The following RBPJ variants were observed in gnomAD, a reference collection of about 807,000 sequenced individuals.
RBPJ encodes recombining binding protein suppressor of hairless.
In RBPJ, 9 loss-of-function variants were observed where a neutral mutation model predicts 67.8. That is an observed-to-expected ratio of 0.13 (90% CI 0.08 to 0.23). RBPJ has a LOEUF of 0.23. Ranked by LOEUF, RBPJ falls within the 10% of genes least tolerant of loss-of-function variation. The probability of loss-of-function intolerance (pLI) is 1.00; values close to 1 mark genes in which losing one functional copy is unlikely to be tolerated. For synonymous variants in RBPJ, 198 were observed against 203.3 expected, an observed-to-expected ratio of 0.97 and a Z score of 0.22; for missense variants, 305 against 595.6, an observed-to-expected ratio of 0.51 and a Z score of 5.08.
At chr4:26,126,446 C>T in the RBPJ span, among the ~76,000 whole-genome samples, 530 of 152,324 alleles carry the variant, frequency 3.5e-3, 2 homozygotes, top group African/African-American at 0.012. Flanking sequence ...CTCTCTTTCC[C>T]TTTTCCATTT....
At chr4:26,181,509 T>A (rs1178306174) in intron 1 of RBPJ, among the ~76,000 whole-genome samples, 1 of 152,170 alleles carries the variant, frequency 6.6e-6, no homozygotes, top group East Asian at 1.9e-4. Context: ...CAACTTTTAT[T>A]ATAGTCATGT....
At chr4:26,189,596 T>C (rs6835559) in intron 1 of RBPJ, among the ~76,000 whole-genome samples, 2,958 of 152,102 alleles carry the variant, frequency 0.019, 86 homozygotes, top group African/African-American at 0.069. Flanking sequence ...AGGTGGAGGT[T>C]TCAGTGAGCC....
chr4:26,208,146 C>T (rs980992432), intron 1 of RBPJ, among the ~76,000 whole-genome samples: 11 of 152,226 alleles, frequency 7.2e-5, no homozygotes, highest in Non-Finnish European at 1.5e-4. Context: ...GTGTTTACTA[C>T]GTGCTTGGTG....
the RBPJ span, among the ~76,000 whole-genome samples, chr4:26,134,812 G>A: frequency 1.4e-4 from 21 of 152,188 alleles, no homozygotes; most frequent in Admixed American, 8.5e-4. Context: ...GTGCTGTGAG[G>A]AAATGGCTGC....
the RBPJ span, among the ~76,000 whole-genome samples, chr4:26,157,108 CAAA>C: frequency 8.5e-6 from 1 of 117,818 alleles, no homozygotes; most frequent in South Asian, 2.6e-4. Flanking sequence ...CAAAAACAAA[CAAA>C]CAAACAAAAA....
intron 1 of RBPJ, among the ~76,000 whole-genome samples, chr4:26,381,780 CTTTG>C (rs1468971471): frequency 1.3e-5 from 2 of 151,948 alleles, no homozygotes; most frequent in Admixed American, 1.3e-4. Flanking sequence ...TTCATTTTTG[CTTTG>C]TTTTTGTTGT....
chr4:26,430,464 A>G lies in RBPJ; in HGVS notation c.1090A>G (p.Asn364Asp). The change falls in exon 10 of 11, where the codon AAT (asparagine) becomes GAT (aspartate). Residue 364 changes from asparagine to aspartate, a missense_variant. Asn to Asp is a conservative substitution (Grantham distance 23, BLOSUM62 1). Around this residue, in one of 7 missense-constraint regions of RBPJ, gnomAD observed 47 missense variants for 128.2 expected, o/e 0.37. Transcript: ENST00000355476. The surrounding 1 kb of genome is among the most constrained non-coding windows in gnomAD (Gnocchi z 4.1). ...AGCAATGCTTGAACTTACAGGACAGAATTTCACTCCAAATTTACGAGTGTG... is the reference window on the plus strand; with the variant it reads ...AGCAATGCTTGAACTTACAGGACAGGATTTCACTCCAAATTTACGAGTGTG... Reference protein sequence around the residue: ...DVAMLELTGQNFTPNLRVWFG... With the variant: ...DVAMLELTGQDFTPNLRVWFG... 6.2e-7 allele frequency: 1 copy of G among 1,609,004 alleles called. No homozygotes were observed. The highest frequency in any genetic ancestry group is 8.5e-7 in the Non-Finnish European group (1 of 1,178,748).
chr4:26,403,107 AC>A (rs1733017514), intron 2 of RBPJ, among the ~76,000 whole-genome samples: 1 of 152,068 alleles, frequency 6.6e-6, no homozygotes, highest in African/African-American at 2.4e-5. Flanking sequence ...TTTTTAAAAA[AC>A]CTTAATGAGA....
At chr4:26,132,206 A>G in the RBPJ span, among the ~76,000 whole-genome samples, 1 of 152,050 alleles carries the variant, frequency 6.6e-6, no homozygotes, top group East Asian at 1.9e-4. Context: ...CTATTTTTTT[A>G]GGTCACCATC....
chr4:26,349,803 A>G (rs1359805202), intron 1 of RBPJ, among the ~76,000 whole-genome samples: 1 of 152,246 alleles, frequency 6.6e-6, no homozygotes, highest in African/African-American at 2.4e-5. Flanking sequence ...TATAAAAGTA[A>G]CTGTCTATTA....
rs149591615 is a variant in RBPJ, at chr4:26,414,633, A to G, written c.156-842A>G. On this transcript the variant is annotated intron_variant, in intron 3 of 10. Transcript: ENST00000355476. ...GAGCAAAGGTGAATTTACACCCTAT[A>G]TAAGGACTGGATTGATGGTCTGAAC... Among the ~76,000 whole-genome samples, 651 of 152,356 alleles carry G rather than the reference A, an allele frequency of 4.3e-3. 3 individuals carry two copies. The highest frequency in any genetic ancestry group is 0.014 in the African/African-American group (585 of 41,582).
At chr4:26,226,146 CAAAA>C (rs35440890) in intron 1 of RBPJ, among the ~76,000 whole-genome samples, 5 of 80,048 alleles carry the variant, frequency 6.2e-5, no homozygotes, top group Admixed American at 1.3e-4. Context: ...GAGACTCTGT[CAAAA>C]AAAAAAAAAA....
chr4:26,372,366 T>C (rs1169521041), intron 1 of RBPJ, among the ~76,000 whole-genome samples: 1 of 152,190 alleles, frequency 6.6e-6, no homozygotes, highest in African/African-American at 2.4e-5. Flanking sequence ...GGAGGAATAT[T>C]AAGAATTAAA....
intron 1 of RBPJ, among the ~76,000 whole-genome samples, chr4:26,178,637 C>T (rs568632103): frequency 6.7e-6 from 1 of 149,566 alleles, no homozygotes; most frequent in Admixed American, 6.7e-5. Context: ...AAAGAAGTCC[C>T]AGACCCCCTT....
intron 1 of RBPJ, among the ~76,000 whole-genome samples, chr4:26,334,958 T>C (rs1443924554): frequency 6.6e-6 from 1 of 152,238 alleles, no homozygotes; most frequent in East Asian, 1.9e-4. Flanking sequence ...TGTGGATGTT[T>C]AGATTCGCAT....
the RBPJ span, among the ~76,000 whole-genome samples, chr4:26,132,641 G>A: frequency 6.6e-6 from 1 of 152,154 alleles, no homozygotes; most frequent in African/African-American, 2.4e-5. Flanking sequence ...GGAAACCCCT[G>A]GGTCTTCGCT....
intron 3 of RBPJ, among the ~76,000 whole-genome samples, chr4:26,407,248 G>A (rs1038373930): frequency 6.6e-6 from 1 of 151,064 alleles, no homozygotes; most frequent in Admixed American, 6.6e-5. Context: ...AAACTGTCTT[G>A]AGCTTAGGTT....
rs777034729 is a variant in RBPJ at position 26,420,739 on chromosome 4, T to C, written c.496+14T>C. 6.4e-7 allele frequency: 1 copy of C among 1,570,846 alleles called. No individual in the cohort carries two copies. Among genetic ancestry groups the C allele is most frequent in the East Asian group, 2.3e-5 (1 of 43,312 alleles). On this transcript the variant is annotated intron_variant, in intron 5 of 10. Coordinates refer to ENST00000355476, the MANE Select transcript of RBPJ (RefSeq NM_015874.6). ...AAAATGCTGACTGTATGTATGCTTT[T>C]CTTATTTATCCCCAACTGCCACCAT...
intron 1 of RBPJ, among the ~76,000 whole-genome samples, chr4:26,380,167 A>G (rs185327322): frequency 1.5e-4 from 23 of 152,374 alleles, no homozygotes; most frequent in Non-Finnish European, 2.5e-4. Context: ...GTAAAATTAC[A>G]TATTTATTTA....
Sources: gnomAD v4.1 joint callset for allele counts (sites outside exome capture counted in the v4.1 genomes callset) on GRCh38, gnomAD v4.1.1 for gene constraint, gnomAD v4.1.1 regional missense constraint, Gnocchi (gnomAD v3.1) non-coding constraint, MANE v1.5 for transcripts, NCBI Gene and HGNC (gene_info 2026-07-23, HGNC 2026-07-21) for gene names.